GMDS: variants seen among roughly 807,000 people sequenced by gnomAD.
GMDS encodes GDP-mannose 4,6-dehydratase.
In GMDS, 20 loss-of-function variants were observed where a neutral mutation model predicts 49.9. That is an observed-to-expected ratio of 0.40 (90% CI 0.28 to 0.58). The LOEUF (loss-of-function observed/expected upper bound fraction) is 0.58. Ranked by LOEUF, GMDS falls within the 20% of genes least tolerant of loss-of-function variation. The pLI, the probability that GMDS is intolerant of heterozygous loss-of-function variation, is 0.42. For synonymous variants in GMDS, 177 were observed against 178.6 expected, an observed-to-expected ratio of 0.99 and a Z score of 0.07; for missense variants, 362 against 481.4, an observed-to-expected ratio of 0.75 and a Z score of 2.32.
intron 4 of GMDS, among the ~76,000 whole-genome samples, chr6:2,005,874 C>T (rs1392121825): frequency 6.6e-6 from 1 of 152,164 alleles, no homozygotes; most frequent in Non-Finnish European, 1.5e-5. Context: ...AATTCTCCTG[C>T]TACTTTTCTA....
At chr6:1,677,285 TCTGGAGAGGATGTG>T (rs938943744) in intron 9 of GMDS, among the ~76,000 whole-genome samples, 28 of 152,082 alleles carry the variant, frequency 1.8e-4, no homozygotes, top group East Asian at 9.7e-4. Flanking sequence ...AAACAACAGG[TCTGGAGAGGATGTG>T]CTGGAGAGGA....
rs565081868 is a variant in GMDS at position 1,680,701 on chromosome 6, C to T, written c.987+45715G>A. Among the ~76,000 whole-genome samples, 24 of 152,344 alleles carry T rather than the reference C, an allele frequency of 1.6e-4. No homozygotes were observed. The South Asian group carries it at 3.9e-3, about 25-fold the overall frequency. On this transcript the variant is annotated intron_variant, in intron 9 of 10. Transcript: ENST00000380815. The stretch of plus-strand genomic sequence containing the variant: ...TATGTTCCAGGTGCATCACTTGAGC[C>T]GCCAGAGCCACATAATGGTTTGCCT...
intron 1 of GMDS, among the ~76,000 whole-genome samples, chr6:2,193,028 G>A (rs983209583): frequency 3.9e-5 from 6 of 152,200 alleles, no homozygotes; most frequent in African/African-American, 1.4e-4. Context: ...CTCATCCCAG[G>A]ATCCCTAAGG....
intron 9 of GMDS, among the ~76,000 whole-genome samples, chr6:1,671,133 A>G (rs763112092): frequency 2.3e-4 from 35 of 152,222 alleles, no homozygotes; most frequent in Admixed American, 9.2e-4. Flanking sequence ...CACGAAGGCC[A>G]CAGAACAATG....
intron 1 of GMDS, among the ~76,000 whole-genome samples, chr6:2,158,808 A>G (rs1186464233): frequency 2.0e-5 from 3 of 152,206 alleles, no homozygotes; most frequent in East Asian, 1.9e-4. Context: ...TCCTTTGCCA[A>G]CCGGCATCAA....
At chr6:2,205,070 C>T (rs548222717) in intron 1 of GMDS, among the ~76,000 whole-genome samples, 18 of 152,252 alleles carry the variant, frequency 1.2e-4, no homozygotes, top group Non-Finnish European at 2.2e-4. Context: ...CATTTGCTGT[C>T]GCTGGATATT....
chr6:1,888,338 G>A (rs934444553), intron 7 of GMDS, among the ~76,000 whole-genome samples: 2 of 152,040 alleles, frequency 1.3e-5, no homozygotes, highest in African/African-American at 4.8e-5. Context: ...TATAATCATG[G>A]TGGAAGGTGA....
chr6:1,710,765 C>T (rs188691959), intron 9 of GMDS, among the ~76,000 whole-genome samples: 1 of 152,252 alleles, frequency 6.6e-6, no homozygotes, highest in Admixed American at 6.5e-5. Flanking sequence ...CTAAGCACAC[C>T]CTCCCTTGCA....
intron 7 of GMDS, among the ~76,000 whole-genome samples, chr6:1,895,007 T>G (rs779446085): frequency 2.0e-5 from 3 of 152,224 alleles, no homozygotes; most frequent in Non-Finnish European, 1.5e-5. Flanking sequence ...GTTGGATATC[T>G]TCTAGAATTA....
chr6:1,715,882 C>T (rs759762751), intron 9 of GMDS, among the ~76,000 whole-genome samples: 10 of 152,164 alleles, frequency 6.6e-5, no homozygotes, highest in Admixed American at 1.3e-4. Context: ...GAAACAAATA[C>T]GTCTTATTAA....
chr6:1,847,567 C>A (rs1757466046), intron 7 of GMDS, among the ~76,000 whole-genome samples: 1 of 152,186 alleles, frequency 6.6e-6, no homozygotes, highest in Admixed American at 6.5e-5. Context: ...ACTAATCTCT[C>A]CACACCAATA....
intron 9 of GMDS, among the ~76,000 whole-genome samples, chr6:1,648,307 A>G (rs970554378): frequency 1.3e-5 from 2 of 152,224 alleles, no homozygotes; most frequent in African/African-American, 4.8e-5. Context: ...CATGTTTCCA[A>G]TATATCTGGA....
chr6:1,871,809 T>C (rs567692613), intron 7 of GMDS, among the ~76,000 whole-genome samples: 104 of 152,350 alleles, frequency 6.8e-4, no homozygotes, highest in African/African-American at 2.5e-3. Context: ...TAATACTTTC[T>C]ACAAGAGCAT....
intron 7 of GMDS, among the ~76,000 whole-genome samples, chr6:1,877,529 T>C (rs1199899657): frequency 6.6e-6 from 1 of 150,576 alleles, no homozygotes; most frequent in East Asian, 2.0e-4. Flanking sequence ...TCCCAACAAC[T>C]CGGGAAGTTG....
At chr6:1,995,182 C>T (rs530296089) in intron 4 of GMDS, among the ~76,000 whole-genome samples, 6 of 152,104 alleles carry the variant, frequency 3.9e-5, no homozygotes, top group Non-Finnish European at 7.4e-5. Flanking sequence ...CTGGAGAACA[C>T]GGCTCACCAT....
At chr6:2,174,109 G>A (rs1581749401) in intron 1 of GMDS, among the ~76,000 whole-genome samples, 1 of 152,284 alleles carries the variant, frequency 6.6e-6, no homozygotes, top group East Asian at 1.9e-4. Flanking sequence ...ACCTTGGGCG[G>A]TCTCACTCAT....
intron 4 of GMDS, among the ~76,000 whole-genome samples, chr6:2,018,958 G>A (rs1768082085): frequency 1.3e-5 from 2 of 151,958 alleles, no homozygotes; most frequent in South Asian, 2.1e-4. Context: ...CACCAGCAGT[G>A]TATGAAAGTT....
intron 7 of GMDS, among the ~76,000 whole-genome samples, chr6:1,886,750 G>C (rs772976381): frequency 6.6e-6 from 1 of 152,224 alleles, no homozygotes; most frequent in Non-Finnish European, 1.5e-5. Flanking sequence ...ATAAGAATTA[G>C]ATTTGACTCT....
At chr6:1,932,607 G>A (rs569614451) in intron 6 of GMDS, among the ~76,000 whole-genome samples, 55 of 147,204 alleles carry the variant, frequency 3.7e-4, no homozygotes, top group Admixed American at 2.6e-3. Flanking sequence ...GCGCGATCTC[G>A]GCTCACTGCA....
Sources: allele counts gnomAD v4.1 joint callset (sites outside exome capture counted in the v4.1 genomes callset), GRCh38; gene constraint gnomAD v4.1.1; transcripts MANE v1.5; gene names NCBI Gene and HGNC (gene_info 2026-07-23, HGNC 2026-07-21).